Variants in THEMIS observed in about 807,000 individuals in gnomAD.
The protein encoded by THEMIS is protein THEMIS.
A neutral mutation model predicts 52.6 loss-of-function variants in THEMIS; 37 were observed. The observed-to-expected ratio is 0.70, with a 90% CI of 0.54 to 0.93. The LOEUF is 0.93. THEMIS is among the 40% of genes least tolerant of loss of function. The probability of loss-of-function intolerance (pLI) is 0.00; values close to 1 mark genes in which losing one functional copy is unlikely to be tolerated. For missense variants in THEMIS, 808 were observed against 763.1 expected, an observed-to-expected ratio of 1.06 and a Z score of -0.69; for synonymous variants, 292 against 272.7, an observed-to-expected ratio of 1.07 and a Z score of -0.70.
intron 3 of THEMIS, among the ~76,000 whole-genome samples, chr6:127,819,562 A>G (rs554529976): frequency 1.3e-5 from 2 of 152,330 alleles, no homozygotes; most frequent in South Asian, 4.1e-4. Flanking sequence ...CCTTATCTAT[A>G]GAGGAAAAAC....
chr6:127,812,901 G>T lies in THEMIS; in HGVS notation c.1740C>A (p.Asp580Glu), dbSNP rs921104466. The T allele has an allele frequency of 1.9e-6, 3 of 1,606,598 alleles. No individual in the cohort carries two copies. The highest frequency in any genetic ancestry group is 1.7e-5 in the Admixed American group (1 of 59,496). The change falls in exon 4 of 6, where the codon GAC becomes GAA. Residue 580 changes from aspartate (D) to glutamate (E), a missense_variant. By Grantham distance (45) the Asp-to-Glu change is conservative. Transcript: ENST00000368248. ...LLTLAEERTV[D>E]LPKSPKRHHV... Reference sequence around the variant, plus strand: ...GCCTTACCTTGGGAGACTTGGGCAGGTCTACCGTCCTTTCTTCTGCTAAGG... The same window carrying T: ...GCCTTACCTTGGGAGACTTGGGCAGTTCTACCGTCCTTTCTTCTGCTAAGG...
chr6:127,781,439 T>A (rs897742381), intron 4 of THEMIS, among the ~76,000 whole-genome samples: 1 of 152,008 alleles, frequency 6.6e-6, no homozygotes, highest in African/African-American at 2.4e-5. Context: ...CCCTTACTGG[T>A]GAGGAGTTGT....
intron 4 of THEMIS, among the ~76,000 whole-genome samples, chr6:127,794,658 T>C (rs1006043031): frequency 2.0e-5 from 3 of 152,216 alleles, no homozygotes; most frequent in African/African-American, 4.8e-5. Flanking sequence ...CTTTCCTCTG[T>C]CTGGAACATT....
At chr6:127,702,792 T>C in the THEMIS span, among the ~76,000 whole-genome samples, 1 of 152,048 alleles carries the variant, frequency 6.6e-6, no homozygotes, top group Admixed American at 6.6e-5. Context: ...ACATCTCACA[T>C]AGTGGCAGAC....
chr6:127,792,234 C>T (rs910045483), intron 4 of THEMIS, among the ~76,000 whole-genome samples: 7 of 152,132 alleles, frequency 4.6e-5, no homozygotes, highest in Non-Finnish European at 8.8e-5. Flanking sequence ...ATGGTATTCA[C>T]GTAAGGAAAT....
chr6:127,866,937 T>C (rs1779997417), intron 1 of THEMIS, among the ~76,000 whole-genome samples: 1 of 140,808 alleles, frequency 7.1e-6, no homozygotes, highest in South Asian at 2.3e-4. Flanking sequence ...GCTACTAAGA[T>C]TTTTATTTTT....
In THEMIS at chr6:127,813,863, C is replaced by G. The variant is rs1049532553; in HGVS notation, c.778G>C (p.Asp260His). Reference protein sequence around the residue: ...VEVKDITDSYDANWFLQLLST... With the variant: ...VEVKDITDSYHANWFLQLLST... ...AACAGCTGAAGAAACCAGTTAGCAT[C>G]GTAAGAATCAGTGATGTCTTTGACT... Residue 260 changes from aspartate (D) to histidine (H), a missense_variant, in exon 4 of 6, where the codon GAT becomes CAT. Coordinates refer to ENST00000368248, the MANE Select transcript of THEMIS (RefSeq NM_001010923.3). The G allele has an allele frequency of 2.5e-6, 4 of 1,611,046 alleles. No individual in the cohort carries two copies. Among genetic ancestry groups the G allele is most frequent in the Non-Finnish European group, 3.4e-6 (4 of 1,179,046 alleles).
chr6:127,729,146 CTCTCTCTCT>C (rs1774659825), intron 4 of THEMIS, among the ~76,000 whole-genome samples: 1 of 6,764 alleles, frequency 1.5e-4, no homozygotes, highest in African/African-American at 8.2e-4. Context: ...TTTATTCTCT[CTCTCTCTCT>C]CTCTCTCTCT....
At chr6:127,860,183 A>G (rs1779748838) in intron 1 of THEMIS, among the ~76,000 whole-genome samples, 1 of 152,176 alleles carries the variant, frequency 6.6e-6, no homozygotes, top group Non-Finnish European at 1.5e-5. Context: ...CATTTCCTGT[A>G]AGGCAGAGAC....
At chr6:127,787,630 A>T (rs1290468792) in intron 4 of THEMIS, among the ~76,000 whole-genome samples, 4 of 152,186 alleles carry the variant, frequency 2.6e-5, no homozygotes, top group Admixed American at 2.0e-4. Context: ...ATCATAGAGA[A>T]CACATGATAT....
At chr6:127,840,606 C>A (rs899795141) in intron 2 of THEMIS, among the ~76,000 whole-genome samples, 3 of 152,066 alleles carry the variant, frequency 2.0e-5, no homozygotes, top group African/African-American at 7.2e-5. Flanking sequence ...CATCTTATAG[C>A]TTTAAAAACT....
chr6:127,866,699 A>T (rs2114360753), intron 1 of THEMIS, among the ~76,000 whole-genome samples: 1 of 152,016 alleles, frequency 6.6e-6, no homozygotes, highest in East Asian at 1.9e-4. Context: ...TTATTGAACA[A>T]TTTCTATCAT....
chr6:127,816,895 G>C (rs973021328), intron 3 of THEMIS, among the ~76,000 whole-genome samples: 3 of 152,090 alleles, frequency 2.0e-5, no homozygotes, highest in Admixed American at 6.6e-5. Context: ...TGCACAGCCT[G>C]TTTCCTCTGC....
At chr6:127,879,634 AAG>A (rs1329756144) in intron 1 of THEMIS, among the ~76,000 whole-genome samples, 1 of 151,146 alleles carries the variant, frequency 6.6e-6, no homozygotes, top group East Asian at 1.9e-4. Flanking sequence ...AAAAAAAAAA[AAG>A]AACAGATTTA....
At chr6:127,759,860 T>C (rs113674677) in intron 4 of THEMIS, among the ~76,000 whole-genome samples, 17 of 95,188 alleles carry the variant, frequency 1.8e-4, no homozygotes, top group African/African-American at 2.0e-4. Flanking sequence ...CCCTCCCTCC[T>C]TCCTTCCTTC....
At chr6:127,807,732 C>T (rs1052043663) in intron 4 of THEMIS, among the ~76,000 whole-genome samples, 6 of 152,092 alleles carry the variant, frequency 3.9e-5, no homozygotes, top group Non-Finnish European at 5.9e-5. Context: ...ATCAGGTTAA[C>T]AAAAACAAAA....
At chr6:127,788,261 T>C (rs1777043328) in intron 4 of THEMIS, among the ~76,000 whole-genome samples, 1 of 152,220 alleles carries the variant, frequency 6.6e-6, no homozygotes, top group Non-Finnish European at 1.5e-5. Context: ...TTGCCAGTGG[T>C]CTTTCCTCAA....
chr6:127,813,597 C>G lies in THEMIS; in HGVS notation c.1044G>C (p.Glu348Asp). Reference protein sequence around the residue: ...YKGKFKRRPREFPTAYDLEIA... With the variant: ...YKGKFKRRPRDFPTAYDLEIA... ...TCTCTAGGTCATAGGCCGTTGGGAA[C>G]TCCCTCGGTCGCCGCTTGAACTTGC... The change falls in exon 4 of 6, where the codon GAG becomes GAC. Residue 348 changes from glutamate (E) to aspartate (D), a missense_variant. Coordinates refer to ENST00000368248, the MANE Select transcript of THEMIS (RefSeq NM_001010923.3). 1 of 1,614,102 alleles carries G rather than the reference C, an allele frequency of 6.2e-7. No individual in the cohort carries two copies. Among genetic ancestry groups the G allele is most frequent in the Non-Finnish European group, 8.5e-7 (1 of 1,180,004 alleles).
chr6:127,759,022 T>C (rs1470763212), intron 4 of THEMIS, among the ~76,000 whole-genome samples: 2 of 152,146 alleles, frequency 1.3e-5, no homozygotes, highest in Non-Finnish European at 2.9e-5. Flanking sequence ...AAGACAGTCA[T>C]ATTAGATATT....
Sources: allele counts gnomAD v4.1 joint callset (sites outside exome capture counted in the v4.1 genomes callset), GRCh38; gene constraint gnomAD v4.1.1; transcripts MANE v1.5; gene names NCBI Gene and HGNC (gene_info 2026-07-23, HGNC 2026-07-21).